Variants in ZNF726 observed in about 807,000 individuals in gnomAD.
ZNF726 encodes zinc finger protein 92 pseudogene 3.
Under a neutral mutation model 11.6 loss-of-function variants are expected in ZNF726, and 15 were observed. The observed-to-expected ratio is 1.29, with a 90% CI of 0.86 to 1.99. ZNF726 has a LOEUF of 1.99. Among genes scored for constraint, ZNF726 ranks in the 30% most tolerant of loss-of-function variants. The pLI, the probability that ZNF726 is intolerant of heterozygous loss-of-function variation, is 0.00. For synonymous variants in ZNF726, 295 were observed against 243.6 expected, an observed-to-expected ratio of 1.21 and a Z score of -1.96; for missense variants, 890 against 725.6, an observed-to-expected ratio of 1.23 and a Z score of -2.60.
chr19:23,916,013 C>T (rs1967689802), intron 1 of ZNF726, among the ~76,000 whole-genome samples: 1 of 152,150 alleles, frequency 6.6e-6, no homozygotes, highest in South Asian at 2.1e-4. Context: ...CAAAAAAATG[C>T]TCTTGAGTTT....
chr19:23,931,582 T>C (rs1357422232), intron 3 of ZNF726, among the ~76,000 whole-genome samples: 1 of 152,184 alleles, frequency 6.6e-6, no homozygotes, highest in Non-Finnish European at 1.5e-5. Context: ...AAGCTTTCAG[T>C]TTTTTACATT....
At chr19:23,930,300 T>C (rs1230148602) in intron 3 of ZNF726, among the ~76,000 whole-genome samples, 2 of 152,188 alleles carry the variant, frequency 1.3e-5, no homozygotes, top group African/African-American at 2.4e-5. Context: ...TCCCATATTC[T>C]TCCTCTGAGA....
At position 23,933,851 on chromosome 19, in the gene ZNF726, A is replaced by T. The variant is rs568262348; in HGVS notation, c.1735A>T (p.Asn579Tyr). 1.9e-4 allele frequency: 301 copies of T among 1,595,848 alleles called. 2 individuals carry two copies. In the South Asian group the frequency reaches 3.3e-3, roughly 17 times the overall value. The change falls in exon 4 of 4, where the codon AAT (asparagine) becomes TAT (tyrosine). Residue 579 changes from asparagine (N) to tyrosine (Y), a missense_variant. Transcript: ENST00000594466. The part of the protein sequence containing the change: ...ECGKAFNRSS[N>Y]LSTHKIIHTG... ...TGGAAAAGCGTTTAATCGATCCTCA[A>T]ATCTTAGTACGCATAAGATAATTCA...
At chr19:23,937,359 C>T (rs1205617516), downstream of ZNF726, among the ~76,000 whole-genome samples, 8 of 151,330 alleles carry the variant, frequency 5.3e-5, no homozygotes, top group Admixed American at 5.3e-4. Context: ...GGGGTGGCTG[C>T]TGGGCGGAGG....
downstream of ZNF726, chr19:23,935,744 T>C (rs74820396): frequency 0.013 from 2,589 of 198,448 alleles, 32 homozygotes; most frequent in Non-Finnish European, 0.02. Flanking sequence ...CCAATGCTCA[T>C]AGCTTATTGC....
At position 23,933,365 on chromosome 19, in the gene ZNF726, A is replaced by T. The variant is rs142813729; in HGVS notation, c.1249A>T (p.Ile417Leu). The change falls in exon 4 of 4, where the codon ATA becomes TTA. Residue 417 changes from isoleucine (I) to leucine (L), a missense_variant. Coordinates refer to ENST00000594466, the MANE Select transcript of ZNF726 (RefSeq NM_001244038.2). ...HRSSNLTKHK[I>L]IHTGEKPYKC... ...ATCCTCAAATCTTACTAAACATAAG[A>T]TAATTCATACTGGAGAGAAACCTTA... 1 of 1,612,954 alleles carries T rather than the reference A, an allele frequency of 6.2e-7. No homozygotes were observed.
rs1967663731 is a variant in ZNF726 at position 23,915,088 on chromosome 19, CTG to C, written c.3+93_3+94del. The C allele has an allele frequency of 1.9e-6, 3 of 1,591,738 alleles. No homozygotes were observed. In the East Asian group the frequency reaches 6.7e-5, roughly 36 times the overall value. On this transcript the variant is annotated intron_variant, in intron 1 of 3. Coordinates refer to ENST00000594466, the MANE Select transcript of ZNF726 (RefSeq NM_001244038.2). ...CAGTGGCGGGACTCAGGCCTCCTCGCTGTCAGTTTTACAATCTGCGCCCGAGT... is the reference window on the plus strand; with the variant it reads ...CAGTGGCGGGACTCAGGCCTCCTCGCTCAGTTTTACAATCTGCGCCCGAGT...
chr19:23,931,569 T>TA (rs1968106745), intron 3 of ZNF726, among the ~76,000 whole-genome samples: 1 of 152,170 alleles, frequency 6.6e-6, no homozygotes, highest in Non-Finnish European at 1.5e-5. Flanking sequence ...TTGTATATAT[T>TA]ATAAGCTTTC....
chr19:23,918,412 C>A (rs777315933), intron 1 of ZNF726, among the ~76,000 whole-genome samples: 1 of 151,968 alleles, frequency 6.6e-6, no homozygotes, highest in African/African-American at 2.4e-5. Context: ...TATTAGGGTG[C>A]TAAAAAAAGG....
At chr19:23,923,389 C>T (rs1210092530) in intron 3 of ZNF726, 2 of 410,832 alleles carry the variant, frequency 4.9e-6, no homozygotes, top group African/African-American at 2.2e-5. Flanking sequence ...AATTTTATTG[C>T]CATACAATAG....
At chr19:23,938,904 G>C (rs1321060751), downstream of ZNF726, among the ~76,000 whole-genome samples, 3 of 152,048 alleles carry the variant, frequency 2.0e-5, no homozygotes, top group African/African-American at 7.2e-5. Flanking sequence ...ACCGTGCCTG[G>C]CCTGTGTGTA....
chr19:23,923,667 G>A (rs7246272), intron 3 of ZNF726: 1,650 of 164,564 alleles, frequency 0.01, 13 homozygotes, highest in Non-Finnish European at 0.017. Context: ...CAAAGTGCTG[G>A]GATTACAGAT....
At chr19:23,930,879 A>G (rs1020477462) in intron 3 of ZNF726, among the ~76,000 whole-genome samples, 3 of 152,228 alleles carry the variant, frequency 2.0e-5, no homozygotes, top group African/African-American at 7.2e-5. Context: ...GTTTAGTCAT[A>G]TTGTCTTGAC....
chr19:23,919,996 TCTCTAAGCCAGAC>T lies in ZNF726; in HGVS notation c.144_156del (p.Lys49SerfsTer13), dbSNP rs1242275052. On this transcript the variant is annotated frameshift_variant, in exon 3 of 4. Coordinates refer to ENST00000594466, the MANE Select transcript of ZNF726 (RefSeq NM_001244038.2). LOFTEE classifies it high-confidence loss of function. The stretch of plus-strand genomic sequence containing the variant: ...ATTTTTAATAAAACAGGTATTGCTG[TCTCTAAGCCAGAC>T]CTCATCATCTGTCTGGAGAAAGAAA... 2 of 1,576,224 alleles carry T rather than the reference TCTCTAAGCCAGAC, an allele frequency of 1.3e-6. No homozygotes were observed. Among genetic ancestry groups the T allele is most frequent in the Admixed American group, 1.7e-5 (1 of 57,454 alleles).
chr19:23,934,060 C>T lies in ZNF726; in HGVS notation c.*93C>T. 1 of 1,447,996 alleles carries T rather than the reference C, an allele frequency of 6.9e-7. No individual in the cohort carries two copies. The highest frequency in any genetic ancestry group is 9.7e-7 in the Non-Finnish European group (1 of 1,035,670). The allele number at this position is 1,447,996 out of a possible 1,614,324, so 89.7% of individuals were successfully genotyped here. ...GGATGCACACTGGAGAGAAACCCTA[C>T]AAATGTGAAGAATGTGAAAAAGCTT... On this transcript the variant is annotated 3_prime_UTR_variant, in exon 4 of 4. Coordinates refer to ENST00000594466, the MANE Select transcript of ZNF726 (RefSeq NM_001244038.2).
downstream of ZNF726, among the ~76,000 whole-genome samples, chr19:23,938,822 G>T (rs187131243): frequency 2.0e-5 from 3 of 152,060 alleles, no homozygotes; most frequent in East Asian, 5.8e-4. Context: ...GGTCAGGCTG[G>T]TCTTAAACTT....
chr19:23,933,342 C>T lies in ZNF726; in HGVS notation c.1226C>T (p.Ser409Phe), dbSNP rs781495458. 6 of 1,612,752 alleles carry T rather than the reference C, an allele frequency of 3.7e-6. No individual in the cohort carries two copies. The highest frequency in any genetic ancestry group is 5.1e-6 in the Non-Finnish European group (6 of 1,179,856). The change falls in exon 4 of 4, where the codon TCC (serine) becomes TTC (phenylalanine). Residue 409 changes from serine (S) to phenylalanine (F), a missense_variant. Coordinates refer to ENST00000594466, the MANE Select transcript of ZNF726 (RefSeq NM_001244038.2). ...GAATGTGGCAAAGCTTTTCATCGATCCTCAAATCTTACTAAACATAAGATA... is the reference window on the plus strand; with the variant it reads ...GAATGTGGCAAAGCTTTTCATCGATTCTCAAATCTTACTAAACATAAGATA... ...CEECGKAFHR[S>F]SNLTKHKIIH...
At position 23,934,322 on chromosome 19, in the gene ZNF726, A is replaced by G; in HGVS notation, c.*355A>G. The G allele has an allele frequency of 1.7e-6, 1 of 588,584 alleles. No homozygotes were observed. 36.5% of individuals were successfully genotyped at this position (588,584 alleles called of 1,614,324 possible). A position where few individuals can be genotyped will look rare whatever the true frequency, so the allele number is the denominator to read the frequency against. On this transcript the variant is annotated 3_prime_UTR_variant, in exon 4 of 4. Coordinates refer to ENST00000594466, the MANE Select transcript of ZNF726 (RefSeq NM_001244038.2). ...ACCTTACAAATGTGAGGAATGTGGC[A>G]AAGCCTTTAAATGTTCCTCAACTGT...
chr19:23,936,093 A>G (rs1968225876), downstream of ZNF726: 1 of 152,206 alleles, frequency 6.6e-6, no homozygotes, highest in African/African-American at 2.4e-5. Flanking sequence ...AATGTAATGA[A>G]TTTGGAAAAA....
Sources: allele counts gnomAD v4.1 joint callset (sites outside exome capture counted in the v4.1 genomes callset), GRCh38; gene constraint gnomAD v4.1.1; transcripts MANE v1.5; gene names NCBI Gene and HGNC (gene_info 2026-07-23, HGNC 2026-07-21).